The following CNTNAP2 variants were observed in gnomAD, a reference collection of about 807,000 sequenced individuals.
The protein encoded by CNTNAP2 is contactin associated protein 2.
In CNTNAP2, 98 loss-of-function variants were observed where a neutral mutation model predicts 155.2. The observed-to-expected ratio is 0.63, with a 90% CI of 0.54 to 0.75. The LOEUF (loss-of-function observed/expected upper bound fraction) is 0.75. CNTNAP2 is among the 30% of genes least tolerant of loss of function. The pLI is 0.00. For missense variants in CNTNAP2, 1,727 were observed against 1,688.1 expected, an observed-to-expected ratio of 1.02 and a Z score of -0.40; for synonymous variants, 651 against 631.2, an observed-to-expected ratio of 1.03 and a Z score of -0.47.
chr7:146,483,511 G>A (rs1195274859), intron 1 of CNTNAP2, among the ~76,000 whole-genome samples: 4 of 147,006 alleles, frequency 2.7e-5, no homozygotes, highest in Non-Finnish European at 3.0e-5. Context: ...GTGTGTGTGC[G>A]TGTGTGTGTG....
intron 3 of CNTNAP2, among the ~76,000 whole-genome samples, chr7:146,904,222 C>T (rs1168541656): frequency 2.0e-5 from 3 of 152,064 alleles, no homozygotes; most frequent in African/African-American, 7.2e-5. Flanking sequence ...TCTAGCATAG[C>T]AAGCACACCT....
intron 21 of CNTNAP2, among the ~76,000 whole-genome samples, chr7:148,330,752 GTGGACGGATGGAA>G (rs1204181296): frequency 6.8e-6 from 1 of 146,548 alleles, no homozygotes; most frequent in Non-Finnish European, 1.5e-5. Flanking sequence ...GATGGATGGA[GTGGACGGATGGAA>G]TGGACAGATG....
At chr7:147,948,866 T>C (rs1484473901) in intron 14 of CNTNAP2, among the ~76,000 whole-genome samples, 2 of 152,074 alleles carry the variant, frequency 1.3e-5, no homozygotes, top group African/African-American at 4.8e-5. Context: ...ATATTATATA[T>C]TGTAATCTTA....
At chr7:147,785,359 T>G (rs1797723868) in intron 13 of CNTNAP2, among the ~76,000 whole-genome samples, 1 of 151,970 alleles carries the variant, frequency 6.6e-6, no homozygotes, top group Non-Finnish European at 1.5e-5. Context: ...GGGAGCTGAG[T>G]GTTGCTGAGA....
At chr7:147,201,743 G>A (rs545932454) in intron 8 of CNTNAP2, among the ~76,000 whole-genome samples, 1 of 152,260 alleles carries the variant, frequency 6.6e-6, no homozygotes, top group East Asian at 1.9e-4. Context: ...TCAGTGCAGG[G>A]CAAAATGTGG....
chr7:147,194,089 A>G (rs997299164), intron 8 of CNTNAP2, among the ~76,000 whole-genome samples: 6 of 107,030 alleles, frequency 5.6e-5, no homozygotes, highest in African/African-American at 2.2e-4. Context: ...CTGACCCCCC[A>G]CCCCCCAACA....
At chr7:147,505,250 T>C (rs1798886504) in intron 11 of CNTNAP2, among the ~76,000 whole-genome samples, 1 of 152,062 alleles carries the variant, frequency 6.6e-6, no homozygotes, top group Non-Finnish European at 1.5e-5. Flanking sequence ...AAATTAAAGG[T>C]GTTGGGAAAG....
intron 13 of CNTNAP2, among the ~76,000 whole-genome samples, chr7:147,847,292 A>C (rs1289103658): frequency 5.7e-5 from 4 of 69,936 alleles, no homozygotes; most frequent in Non-Finnish European, 1.1e-4. Flanking sequence ...GGCTTTGCTC[A>C]TTTCTTTTTA....
At chr7:146,203,669 T>C (rs1022504702) in intron 1 of CNTNAP2, among the ~76,000 whole-genome samples, 1 of 152,050 alleles carries the variant, frequency 6.6e-6, no homozygotes, top group Non-Finnish European at 1.5e-5. Flanking sequence ...CTCCTGGGGG[T>C]GGGTTGGGGC....
intron 3 of CNTNAP2, among the ~76,000 whole-genome samples, chr7:146,878,442 C>A (rs67880933): frequency 1.3e-5 from 2 of 149,176 alleles, no homozygotes; most frequent in African/African-American, 5.0e-5. Flanking sequence ...CACAAGTACT[C>A]TTGAGTTTTT....
intron 15 of CNTNAP2, among the ~76,000 whole-genome samples, chr7:147,991,461 G>A (rs1801709214): frequency 6.6e-6 from 1 of 152,130 alleles, no homozygotes; most frequent in Non-Finnish European, 1.5e-5. Context: ...TGATTTATAT[G>A]CACAACTATT....
chr7:147,212,720 TC>T (rs1803183066), intron 8 of CNTNAP2, among the ~76,000 whole-genome samples: 2 of 152,162 alleles, frequency 1.3e-5, no homozygotes, highest in East Asian at 3.9e-4. Context: ...TTGAACATGT[TC>T]CCCTGAATCT....
chr7:146,445,855 A>G (rs990180028), intron 1 of CNTNAP2, among the ~76,000 whole-genome samples: 1 of 152,166 alleles, frequency 6.6e-6, no homozygotes, highest in Non-Finnish European at 1.5e-5. Flanking sequence ...TTGAAATTCT[A>G]CCAAATGTCT....
intron 3 of CNTNAP2, among the ~76,000 whole-genome samples, chr7:146,855,856 C>CAA (rs1794972567): frequency 7.9e-6 from 1 of 126,390 alleles, no homozygotes; most frequent in Non-Finnish European, 1.7e-5. Context: ...TATATATACA[C>CAA]ACTTACATAC....
chr7:146,762,806 G>A (rs185694947), intron 1 of CNTNAP2, among the ~76,000 whole-genome samples: 6 of 152,214 alleles, frequency 3.9e-5, no homozygotes, highest in Admixed American at 1.3e-4. Context: ...AAGGTAGCAT[G>A]TACAGGGGAA....
chr7:147,614,091 G>A (rs547071237), intron 12 of CNTNAP2, among the ~76,000 whole-genome samples: 221 of 152,214 alleles, frequency 1.5e-3, no homozygotes, highest in African/African-American at 5.1e-3. Flanking sequence ...AAAATTTGTT[G>A]CATTATTTTA....
intron 1 of CNTNAP2, among the ~76,000 whole-genome samples, chr7:146,398,868 C>A (rs1795672753): frequency 6.6e-6 from 1 of 151,646 alleles, no homozygotes; most frequent in East Asian, 1.9e-4. Flanking sequence ...TTTTAGAAAA[C>A]CTATTTCTTT....
At position 147,812,482 on chromosome 7, in the gene CNTNAP2, A is replaced by G. The variant is rs577186840; in HGVS notation, c.2099-91083A>G. Reference sequence around the variant, plus strand: ...AGAGTTCTTATATAAGTAGGAAAAAAAAAACTGTAATAATTTAAAAAGTAA... The same window carrying G: ...AGAGTTCTTATATAAGTAGGAAAAAGAAAACTGTAATAATTTAAAAAGTAA... On this transcript the variant is annotated intron_variant, in intron 13 of 23. Coordinates refer to ENST00000361727, the MANE Select transcript of CNTNAP2 (RefSeq NM_014141.6). Among the ~76,000 whole-genome samples the G allele has an allele frequency of 7.2e-5, 11 of 151,920 alleles. No individual in the cohort carries two copies. The South Asian group carries it at 1.9e-3, about 26-fold the overall frequency.
intron 16 of CNTNAP2, among the ~76,000 whole-genome samples, chr7:148,134,651 AAT>A (rs1295608737): frequency 1.3e-5 from 2 of 152,206 alleles, no homozygotes; most frequent in African/African-American, 4.8e-5. Flanking sequence ...ACAATAAAAT[AAT>A]ATCTTATTTT....
Sources: gnomAD v4.1 joint callset for allele counts (sites outside exome capture counted in the v4.1 genomes callset) on GRCh38, gnomAD v4.1.1 for gene constraint, MANE v1.5 for transcripts, NCBI Gene and HGNC (gene_info 2026-07-23, HGNC 2026-07-21) for gene names.